INPP5A: variants seen among roughly 807,000 people sequenced by gnomAD.
INPP5A encodes the protein inositol polyphosphate-5-phosphatase A.
Under a neutral mutation model 65.2 loss-of-function variants are expected in INPP5A, and 14 were observed. The ratio of observed to expected loss-of-function variants is 0.21; its 90% CI spans 0.14 to 0.34. INPP5A has a LOEUF of 0.34. INPP5A is among the 10% of genes least tolerant of loss of function. The pLI, the probability that INPP5A is intolerant of heterozygous loss-of-function variation, is 1.00. For synonymous variants in INPP5A, 207 were observed against 208.3 expected (o/e 0.99, Z 0.05); for missense variants, 431 against 545.6 (o/e 0.79, Z 2.09).
intron 4 of INPP5A, among the ~76,000 whole-genome samples, chr10:132,665,884 A>C (rs536725980): frequency 6.6e-6 from 1 of 152,048 alleles, no homozygotes; most frequent in Non-Finnish European, 1.5e-5. Context: ...GGGAAACCCC[A>C]TCTCTACTGA....
chr10:132,590,473 G>A (rs2071605722), intron 1 of INPP5A, among the ~76,000 whole-genome samples: 1 of 152,188 alleles, frequency 6.6e-6, no homozygotes, highest in Admixed American at 6.5e-5. Flanking sequence ...GGGCACAGAG[G>A]AGTGTGGGGG....
At chr10:132,580,477 G>A (rs1006564484) in intron 1 of INPP5A, among the ~76,000 whole-genome samples, 2 of 152,204 alleles carry the variant, frequency 1.3e-5, no homozygotes, top group Non-Finnish European at 2.9e-5. Context: ...GGAACTGTGA[G>A]TCAGTGCAAC....
rs373265966 is a variant in INPP5A, at chr10:132,645,879, A to G, written c.129A>G (p.Thr43=). 2 of 1,613,592 alleles carry G rather than the reference A, an allele frequency of 1.2e-6. No homozygotes were observed. The highest frequency in any genetic ancestry group is 2.7e-5 in the African/African-American group (2 of 74,926). ...TTCTCTCCCTCCAGGTCGTGCACAC[A>G]CACAAGCCGCACTTCATGGCCTTGC... ...WLREFYQVVH[T]HKPHFMALHC... is the part of the protein sequence containing the mutation. Residue 43 remains threonine, a synonymous_variant, in exon 3 of 16, where the codon ACA becomes ACG. Coordinates refer to ENST00000368594, the MANE Select transcript of INPP5A (RefSeq NM_005539.5).
Position 132,555,461 on chromosome 10 carries a change from C to T in INPP5A, c.75+17290C>T, listed in dbSNP as rs145447156. On this transcript the variant is annotated intron_variant, in intron 1 of 15. Coordinates refer to ENST00000368594, the MANE Select transcript of INPP5A (RefSeq NM_005539.5). This position sits in a 1 kb window ranked among gnomAD's most constrained non-coding sequence, Gnocchi z 4.4. Reference sequence around the variant, plus strand: ...GGGGGCTTGGGCTGGGGCGTGGCCACGCTGGGAGGATGAGGAGCTTGAAGT... The same window carrying T: ...GGGGGCTTGGGCTGGGGCGTGGCCATGCTGGGAGGATGAGGAGCTTGAAGT... Among the ~76,000 whole-genome samples the T allele has an allele frequency of 3.3e-5, 5 of 152,048 alleles. No individual in the cohort carries two copies. The highest frequency in any genetic ancestry group is 1.9e-4 in the East Asian group (1 of 5,164).
At chr10:132,665,381 A>G (rs2072789214) in intron 4 of INPP5A, among the ~76,000 whole-genome samples, 1 of 152,244 alleles carries the variant, frequency 6.6e-6, no homozygotes, top group African/African-American at 2.4e-5. Flanking sequence ...ATTGTTAATT[A>G]TGACAAAGGA....
At chr10:132,700,269 C>T (rs886249423) in intron 6 of INPP5A, among the ~76,000 whole-genome samples, 2 of 152,236 alleles carry the variant, frequency 1.3e-5, no homozygotes, top group Non-Finnish European at 2.9e-5. Flanking sequence ...AGCAGCGTGT[C>T]GCTGTCTGCG....
intron 2 of INPP5A, among the ~76,000 whole-genome samples, chr10:132,641,820 G>A (rs1306840882): frequency 6.6e-6 from 1 of 152,264 alleles, no homozygotes; most frequent in Non-Finnish European, 1.5e-5. Flanking sequence ...CCTTTCGTCT[G>A]TTTGGGGTAC....
chr10:132,700,270 G>A (rs890994822), intron 6 of INPP5A, among the ~76,000 whole-genome samples: 8 of 152,234 alleles, frequency 5.3e-5, no homozygotes, highest in African/African-American at 1.9e-4. Context: ...GCAGCGTGTC[G>A]CTGTCTGCGG....
chr10:132,692,957 A>G (rs1394962188), intron 5 of INPP5A, among the ~76,000 whole-genome samples: 25 of 152,354 alleles, frequency 1.6e-4, no homozygotes, highest in Non-Finnish European at 7.3e-5. Flanking sequence ...AACAACAGCA[A>G]CCATGTATTG....
In INPP5A at chr10:132,588,012, C is replaced by CA. The variant is rs796469034; in HGVS notation, c.76-19882dup. On this transcript the variant is annotated intron_variant, in intron 1 of 15. Coordinates refer to ENST00000368594, the MANE Select transcript of INPP5A (RefSeq NM_005539.5). ...GGGCAACAAGAGTAAAACTCCATCT[C>CA]AAAAAAAAAAAAAAAAAAAAAGGAT... 6.7e-3 allele frequency among the ~76,000 whole-genome samples: 370 copies of CA among 55,144 alleles called. 1 individual carries two copies. The highest frequency in any genetic ancestry group is 0.011 in the Middle Eastern group (1 of 94). The allele number at this position is 55,144 out of a possible 152,430, so 36.2% of individuals were successfully genotyped here.
chr10:132,755,615 GGTGTGT>G (rs55717463), intron 11 of INPP5A, among the ~76,000 whole-genome samples: 3 of 143,724 alleles, frequency 2.1e-5, no homozygotes, highest in African/African-American at 5.2e-5. Context: ...TGAGTGAGTG[GGTGTGT>G]GTGTGTGTGT....
Position 132,706,489 on chromosome 10 carries a change from T to TA in INPP5A, c.475-1823dup, listed in dbSNP as rs1253621890. On this transcript the variant is annotated intron_variant, in intron 6 of 15. Transcript: ENST00000368594. The surrounding 1 kb of genome is among the most constrained non-coding windows in gnomAD (Gnocchi z 4.7). ...TAAAACAGCCAGAGAGAGGAAAACA[T>TA]ACATTCAGAGGATTCACAGTTCGTG... is the stretch of plus-strand genomic sequence containing the variant. Among the ~76,000 whole-genome samples, 1 of 152,208 alleles carries TA rather than the reference T, an allele frequency of 6.6e-6. No homozygotes were observed. The highest frequency in any genetic ancestry group is 1.9e-4 in the East Asian group (1 of 5,198).
chr10:132,606,348 A>G (rs1384396985), intron 1 of INPP5A, among the ~76,000 whole-genome samples: 1 of 151,680 alleles, frequency 6.6e-6, no homozygotes, highest in African/African-American at 2.4e-5. Flanking sequence ...GTGGCGGGAC[A>G]GTGGCGTGGG....
intron 5 of INPP5A, among the ~76,000 whole-genome samples, chr10:132,691,819 C>A (rs1049813023): frequency 6.8e-6 from 1 of 147,110 alleles, no homozygotes; most frequent in South Asian, 2.1e-4. Context: ...CGTGCGGTCG[C>A]GGGAGACGTG....
intron 8 of INPP5A, among the ~76,000 whole-genome samples, chr10:132,715,493 A>G (rs1405677043): frequency 1.3e-5 from 2 of 152,258 alleles, no homozygotes; most frequent in African/African-American, 2.4e-5. Flanking sequence ...CTTCTGAACA[A>G]TTCCAAGCAA....
intron 4 of INPP5A, among the ~76,000 whole-genome samples, chr10:132,660,249 CA>C (rs1439384675): frequency 1.3e-5 from 2 of 152,108 alleles, no homozygotes; most frequent in African/African-American, 4.8e-5. Flanking sequence ...ATTGAAAAAT[CA>C]ATGTTGAAAA....
Position 132,627,213 on chromosome 10 carries a change from G to A in INPP5A, c.118-18655G>A, listed in dbSNP as rs542315076. ...ACAGCTCCAGAACTGGGAGAAATAC[G>A]TGTCTCGTTTAGGCTCTCTGGTCTG... On this transcript the variant is annotated intron_variant, in intron 2 of 15. Transcript: ENST00000368594. This position sits in a 1 kb window ranked among gnomAD's most constrained non-coding sequence, Gnocchi z 6.6. Among the ~76,000 whole-genome samples the A allele has an allele frequency of 1.3e-4, 20 of 152,322 alleles. No individual in the cohort carries two copies. Among genetic ancestry groups the A allele is most frequent in the African/African-American group, 4.3e-4 (18 of 41,566 alleles).
rs906380371 is a variant in INPP5A, at chr10:132,753,011, G to A, written c.903+3166G>A. 9.9e-5 allele frequency among the ~76,000 whole-genome samples: 15 copies of A among 152,096 alleles called. No individual in the cohort carries two copies. Among genetic ancestry groups the A allele is most frequent in the Admixed American group, 5.2e-4 (8 of 15,284 alleles). On this transcript the variant is annotated intron_variant, in intron 11 of 15. Coordinates refer to ENST00000368594, the MANE Select transcript of INPP5A (RefSeq NM_005539.5). This position sits in a 1 kb window ranked among gnomAD's most constrained non-coding sequence, Gnocchi z 5.3. ...CGTCGGGAGTCCCATGTGGAAAGGCGGCCTGAGCTCAGGAGGCGCCTTCTG... is the reference window on the plus strand; with the variant it reads ...CGTCGGGAGTCCCATGTGGAAAGGCAGCCTGAGCTCAGGAGGCGCCTTCTG...
chr10:132,642,287 T>C (rs2072436038), intron 2 of INPP5A, among the ~76,000 whole-genome samples: 1 of 152,230 alleles, frequency 6.6e-6, no homozygotes, highest in African/African-American at 2.4e-5. Flanking sequence ...ACTTGCTCTG[T>C]GCAGTGTCCG....
Sources: gnomAD v4.1 joint callset for allele counts (sites outside exome capture counted in the v4.1 genomes callset) on GRCh38, gnomAD v4.1.1 for gene constraint, Gnocchi (gnomAD v3.1) non-coding constraint, MANE v1.5 for transcripts, NCBI Gene and HGNC (gene_info 2026-07-23, HGNC 2026-07-21) for gene names.